The following SLC25A51 variants were observed in gnomAD, a reference collection of about 807,000 sequenced individuals.
SLC25A51 encodes solute carrier family 25 member 51, also known as mitochondrial nicotinamide adenine dinucleotide transporter SLC25A51.
Under a neutral mutation model 19.1 loss-of-function variants are expected in SLC25A51, and 11 were observed. That is an observed-to-expected ratio of 0.58 (90% CI 0.36 to 0.96). The LOEUF is 0.96. SLC25A51 is among the 40% of genes least tolerant of loss of function. The probability of loss-of-function intolerance (pLI) is 0.01; values close to 1 mark genes in which losing one functional copy is unlikely to be tolerated. For missense variants in SLC25A51, 201 were observed against 365.4 expected (o/e 0.55, Z 3.67); for synonymous variants, 105 against 133.6 (o/e 0.79, Z 1.47).
At chr9:37,877,858 T>G (rs1246472013), downstream of SLC25A51, among the ~76,000 whole-genome samples, 1 of 151,978 alleles carries the variant, frequency 6.6e-6, no homozygotes, top group Non-Finnish European at 1.5e-5. Flanking sequence ...AAATACAAAA[T>G]TTAGCTGGGA....
chr9:37,902,101 T>A (rs1193123629), intron 1 of SLC25A51, among the ~76,000 whole-genome samples: 1 of 152,232 alleles, frequency 6.6e-6, no homozygotes, highest in Non-Finnish European at 1.5e-5. Context: ...CAAAATATTT[T>A]AAATTCTAAA....
chr9:37,879,317 G>A (rs1831308210), downstream of SLC25A51: 1 of 206,036 alleles, frequency 4.9e-6, no homozygotes, highest in South Asian at 9.8e-5. Flanking sequence ...CAGGATGTGT[G>A]GTCTTCTCTG....
At chr9:37,887,589 AG>A, downstream of SLC25A51, 21 of 1,490,282 alleles carry the variant, frequency 1.4e-5, no homozygotes, top group South Asian at 9.7e-5. Flanking sequence ...AAAAAAAAAA[AG>A]AGGCCAAACT....
chr9:37,890,118 C>A (rs1019231999), intron 2 of SLC25A51, among the ~76,000 whole-genome samples: 1 of 152,056 alleles, frequency 6.6e-6, no homozygotes, highest in Non-Finnish European at 1.5e-5. Context: ...GGCATGGTGG[C>A]TTATGCCTGT....
chr9:37,895,917 G>A (rs2118354871), intron 2 of SLC25A51, among the ~76,000 whole-genome samples: 1 of 151,648 alleles, frequency 6.6e-6, no homozygotes. Flanking sequence ...TGGTTCAAGT[G>A]ATTCTCCTGC....
intron 2 of SLC25A51, among the ~76,000 whole-genome samples, chr9:37,890,294 G>C (rs568915778): frequency 1.3e-5 from 2 of 152,260 alleles, no homozygotes; most frequent in East Asian, 3.9e-4. Flanking sequence ...TGAGGTGGGA[G>C]GATCAATTGA....
At position 37,895,818 on chromosome 9, in the gene SLC25A51, C is replaced by CT. The variant is rs922167874; in HGVS notation, c.-43+4010dup. Among the ~76,000 whole-genome samples the CT allele has an allele frequency of 6.1e-3, 866 of 142,556 alleles. 5 individuals carry two copies. Among genetic ancestry groups the CT allele is most frequent in the African/African-American group, 9.8e-3 (383 of 39,088 alleles). 93.5% of individuals were successfully genotyped at this position (142,556 alleles called of 152,430 possible). ...AAGTAATCCAGGCTTCCTTCCACAA[C>CT]TTTTTTTTTTTTTTTGAGAGAGTCT... On this transcript the variant is annotated intron_variant, in intron 2 of 2. Coordinates refer to ENST00000242275, the MANE Select transcript of SLC25A51 (RefSeq NM_033412.4).
downstream of SLC25A51, among the ~76,000 whole-genome samples, chr9:37,877,630 C>T (rs918779000): frequency 4.1e-5 from 6 of 144,800 alleles, no homozygotes; most frequent in African/African-American, 1.3e-4. Flanking sequence ...AACTCCTGGA[C>T]TCAATAGATC....
At chr9:37,883,527 T>A (rs1415413930), downstream of SLC25A51, among the ~76,000 whole-genome samples, 2 of 152,228 alleles carry the variant, frequency 1.3e-5, no homozygotes, top group Admixed American at 1.3e-4. Context: ...TTCTACCACC[T>A]GTGTGGAGTG....
chr9:37,891,771 T>C (rs919196378), intron 2 of SLC25A51, among the ~76,000 whole-genome samples: 27 of 151,756 alleles, frequency 1.8e-4, no homozygotes, highest in Non-Finnish European at 3.8e-4. Flanking sequence ...TGTTCACTTG[T>C]TTGTCTGCTG....
At position 37,889,422 on chromosome 9, in the gene SLC25A51, C is replaced by T. The variant is rs75933213; in HGVS notation, c.-42-830G>A. ...CTATGATAACCAACCATTGTGGGAA[C>T]ACAGGTAAGGGACACTGAACATGCA... On this transcript the variant is annotated intron_variant, in intron 2 of 2. Coordinates refer to ENST00000242275, the MANE Select transcript of SLC25A51 (RefSeq NM_033412.4). 4.8e-3 allele frequency among the ~76,000 whole-genome samples: 727 copies of T among 152,198 alleles called. 9 individuals are homozygous for T. Among genetic ancestry groups the T allele is most frequent in the African/African-American group, 0.017 (699 of 41,514 alleles).
At chr9:37,891,330 C>G (rs1831579569) in intron 2 of SLC25A51, among the ~76,000 whole-genome samples, 1 of 152,218 alleles carries the variant, frequency 6.6e-6, no homozygotes, top group African/African-American at 2.4e-5. Context: ...AGCCCCTCTG[C>G]CCGGCCGCCA....
chr9:37,891,945 C>T (rs1831601072), intron 2 of SLC25A51, among the ~76,000 whole-genome samples: 1 of 144,482 alleles, frequency 6.9e-6, no homozygotes, highest in South Asian at 2.2e-4. Flanking sequence ...CACAGCCAGG[C>T]TTTTAACAGC....
intron 1 of SLC25A51, among the ~76,000 whole-genome samples, chr9:37,900,701 T>G (rs1831828400): frequency 6.6e-6 from 1 of 151,182 alleles, no homozygotes; most frequent in African/African-American, 2.4e-5. Context: ...TACAAGCCAC[T>G]GCACCCATCC....
intron 2 of SLC25A51, among the ~76,000 whole-genome samples, chr9:37,898,222 C>G (rs1831762775): frequency 2.0e-5 from 3 of 152,162 alleles, no homozygotes; most frequent in Admixed American, 2.0e-4. Context: ...ACCAACCTGG[C>G]CAACATGGCA....
At chr9:37,901,806 T>C (rs1262598927) in intron 1 of SLC25A51, among the ~76,000 whole-genome samples, 7 of 152,348 alleles carry the variant, frequency 4.6e-5, no homozygotes, top group African/African-American at 9.6e-5. Context: ...GGTATTGAGT[T>C]TGATAATTAT....
At chr9:37,892,576 TC>T (rs748179907) in intron 2 of SLC25A51, among the ~76,000 whole-genome samples, 6 of 151,670 alleles carry the variant, frequency 4.0e-5, no homozygotes, top group Non-Finnish European at 8.8e-5. Flanking sequence ...TATATTTTTT[TC>T]TTTTTCTTTT....
downstream of SLC25A51, among the ~76,000 whole-genome samples, chr9:37,883,416 T>C (rs1160692886): frequency 6.6e-6 from 1 of 152,362 alleles, no homozygotes; most frequent in African/African-American, 2.4e-5. Flanking sequence ...TTATTAATAA[T>C]TGTTTTTAAA....
intron 1 of SLC25A51, among the ~76,000 whole-genome samples, chr9:37,902,735 T>A (rs189060029): frequency 6.6e-6 from 1 of 152,352 alleles, no homozygotes; most frequent in African/African-American, 2.4e-5. Flanking sequence ...AGGGAGCAGT[T>A]AATGAACTTG....
Sources: allele counts gnomAD v4.1 joint callset (sites outside exome capture counted in the v4.1 genomes callset), GRCh38; gene constraint gnomAD v4.1.1; transcripts MANE v1.5; gene names NCBI Gene and HGNC (gene_info 2026-07-23, HGNC 2026-07-21).